The following LRP1B variants were observed in gnomAD, a reference collection of about 807,000 sequenced individuals.
LRP1B encodes LDL receptor related protein 1B.
LRP1B carries 217 observed loss-of-function variants against 556.6 expected under a neutral mutation model. The ratio of observed to expected loss-of-function variants is 0.39; its 90% CI spans 0.35 to 0.44. LRP1B has a LOEUF of 0.44. Among genes scored for constraint, LRP1B ranks in the 20% least tolerant of loss-of-function variants. The probability of loss-of-function intolerance (pLI) is 1.00; values close to 1 mark genes in which losing one functional copy is unlikely to be tolerated. For synonymous variants in LRP1B, 2,047 were observed against 1,865.8 expected (o/e 1.10, Z -2.50); for missense variants, 5,053 against 5,620.8 (o/e 0.90, Z 3.23).
At chr2:140,677,461 A>AG (rs981738654) in intron 41 of LRP1B, among the ~76,000 whole-genome samples, 5 of 151,460 alleles carry the variant, frequency 3.3e-5, no homozygotes, top group African/African-American at 9.7e-5. Context: ...ACAGAGAGAG[A>AG]GAAAAAAAAC....
chr2:141,549,058 C>T (rs935851937), intron 2 of LRP1B, among the ~76,000 whole-genome samples: 4 of 152,044 alleles, frequency 2.6e-5, no homozygotes, highest in African/African-American at 9.7e-5. Flanking sequence ...AGATATAATG[C>T]CACACATTCA....
chr2:142,062,445 T>C (rs1258802444), intron 1 of LRP1B, among the ~76,000 whole-genome samples: 1 of 151,758 alleles, frequency 6.6e-6, no homozygotes, highest in Non-Finnish European at 1.5e-5. Context: ...TCCAATCCCA[T>C]TCATTTCTAA....
intron 37 of LRP1B, among the ~76,000 whole-genome samples, chr2:140,711,154 C>A (rs576157353): frequency 6.6e-6 from 1 of 151,990 alleles, no homozygotes; most frequent in Non-Finnish European, 1.5e-5. Context: ...ACATTTACAG[C>A]ATTAATTCAC....
At chr2:140,270,074 TGAAAG>T in intron 86 of LRP1B, among the ~76,000 whole-genome samples, 163 bp downstream of exon 86, 1 of 152,000 alleles carries the variant, frequency 6.6e-6, no homozygotes, top group Admixed American at 6.6e-5. Flanking sequence ...AGCAATTTGA[TGAAAG>T]GAGATTCTGC....
chr2:140,450,511 G>A, intron 63 of LRP1B, 57 bp downstream of exon 63: 1 of 1,317,908 alleles, frequency 7.6e-7, no homozygotes, highest in South Asian at 1.2e-5. Context: ...CAATTTTCCA[G>A]GTCTGGGATA....
intron 2 of LRP1B, among the ~76,000 whole-genome samples, chr2:141,602,290 A>C (rs569715807): frequency 5.3e-4 from 81 of 152,292 alleles, no homozygotes; most frequent in Admixed American, 1.1e-3. Flanking sequence ...GGTTGTAACC[A>C]GCATGAAAAT....
chr2:140,904,036 T>C (rs1559185287), intron 22 of LRP1B, among the ~76,000 whole-genome samples: 1 of 152,110 alleles, frequency 6.6e-6, no homozygotes, highest in Non-Finnish European at 1.5e-5. Flanking sequence ...TTATTTATTA[T>C]TCTACTTCAT....
chr2:141,125,407 T>C (rs1017539156), intron 7 of LRP1B, among the ~76,000 whole-genome samples: 3 of 152,206 alleles, frequency 2.0e-5, no homozygotes, highest in Non-Finnish European at 4.4e-5. Context: ...CAAGATATTC[T>C]AGAATGTTGG....
At chr2:142,032,021 T>C (rs2105198388) in intron 1 of LRP1B, among the ~76,000 whole-genome samples, 1 of 151,916 alleles carries the variant, frequency 6.6e-6, no homozygotes, top group Admixed American at 6.6e-5. Flanking sequence ...CCTAGCCCCT[T>C]CTGAGGGAGC....
At chr2:140,460,493 A>G (rs182489876) in intron 60 of LRP1B, among the ~76,000 whole-genome samples, 104 of 152,318 alleles carry the variant, frequency 6.8e-4, no homozygotes, top group African/African-American at 2.4e-3. Context: ...TGTTGCCTAA[A>G]AATGATGATG....
intron 3 of LRP1B, among the ~76,000 whole-genome samples, chr2:141,381,916 C>G (rs150332763): frequency 1.9e-4 from 29 of 152,096 alleles, no homozygotes; most frequent in Non-Finnish European, 3.4e-4. Context: ...TTTGTGGGAT[C>G]CTCAGAATTT....
At chr2:141,987,613 G>A (rs374736627) in intron 1 of LRP1B, among the ~76,000 whole-genome samples, 9 of 150,586 alleles carry the variant, frequency 6.0e-5, no homozygotes, top group African/African-American at 1.9e-4. Flanking sequence ...TAGGGTTTGG[G>A]AGGGAATGAA....
intron 2 of LRP1B, among the ~76,000 whole-genome samples, chr2:141,501,155 T>G (rs1286235205): frequency 6.6e-6 from 1 of 152,166 alleles, no homozygotes; most frequent in Non-Finnish European, 1.5e-5. Context: ...TAGAGAAGTA[T>G]TCCTTTCTCA....
At chr2:141,715,911 G>A (rs1361157529) in intron 2 of LRP1B, among the ~76,000 whole-genome samples, 2 of 152,110 alleles carry the variant, frequency 1.3e-5, no homozygotes, top group East Asian at 1.9e-4. Flanking sequence ...TGCTAAAATA[G>A]CATTATGAAA....
intron 86 of LRP1B, among the ~76,000 whole-genome samples, chr2:140,253,570 T>C (rs1331278655): frequency 1.3e-5 from 2 of 151,420 alleles, no homozygotes; most frequent in African/African-American, 4.8e-5. Flanking sequence ...GCAGTCCACT[T>C]GAGTAGAAGT....
intron 68 of LRP1B, among the ~76,000 whole-genome samples, chr2:140,374,653 GAATTAATA>G (rs1375227553): frequency 3.3e-5 from 5 of 152,084 alleles, no homozygotes; most frequent in African/African-American, 1.2e-4. Flanking sequence ...ACTGCTGAGT[GAATTAATA>G]AATTAATAAA....
At chr2:141,390,806 T>C (rs1397243123) in intron 3 of LRP1B, among the ~76,000 whole-genome samples, 1 of 152,226 alleles carries the variant, frequency 6.6e-6, no homozygotes, top group African/African-American at 2.4e-5. Context: ...AAGTGCGCAA[T>C]GCGCTCAAAT....
At chr2:141,975,834 G>A (rs981108418) in intron 1 of LRP1B, among the ~76,000 whole-genome samples, 16 of 152,026 alleles carry the variant, frequency 1.1e-4, no homozygotes, top group Admixed American at 2.0e-4. Flanking sequence ...CAGGGAAACC[G>A]TAAAGTTTCT....
intron 1 of LRP1B, among the ~76,000 whole-genome samples, chr2:142,104,029 A>G (rs1196883468): frequency 6.6e-6 from 1 of 152,154 alleles, no homozygotes; most frequent in African/African-American, 2.4e-5. Flanking sequence ...ATCTTTAATC[A>G]AGCAACATCT....
Sources: allele counts gnomAD v4.1 joint callset (sites outside exome capture counted in the v4.1 genomes callset), GRCh38; gene constraint gnomAD v4.1.1; transcripts MANE v1.5; gene names NCBI Gene and HGNC (gene_info 2026-07-23, HGNC 2026-07-21).